PTPRM: variants seen among roughly 807,000 people sequenced by gnomAD.
PTPRM encodes receptor-type tyrosine-protein phosphatase mu.
A neutral mutation model predicts 186.7 loss-of-function variants in PTPRM; 47 were observed. The observed-to-expected ratio is 0.25, with a 90% confidence interval of 0.20 to 0.32. The LOEUF is 0.32. Ranked by LOEUF, PTPRM falls within the 10% of genes least tolerant of loss-of-function variation. The pLI, the probability that PTPRM is intolerant of heterozygous loss-of-function variation, is 1.00. For missense variants in PTPRM, 1,494 were observed against 1,865.0 expected (o/e 0.80, Z 3.66); for synonymous variants, 668 against 674.9 (o/e 0.99, Z 0.16).
At chr18:8,040,428 A>G (rs575982137) in intron 7 of PTPRM, among the ~76,000 whole-genome samples, 105 of 152,284 alleles carry the variant, frequency 6.9e-4, no homozygotes, top group African/African-American at 2.4e-3. Context: ...GTTATGTGTC[A>G]AATCGAAGCT....
chr18:7,793,391 G>C (rs1383761953), intron 2 of PTPRM, among the ~76,000 whole-genome samples: 1 of 152,206 alleles, frequency 6.6e-6, no homozygotes, highest in Non-Finnish European at 1.5e-5. Context: ...GACAATGTCT[G>C]ATGCAGAATC....
At chr18:7,716,874 T>C (rs1430576793) in intron 1 of PTPRM, among the ~76,000 whole-genome samples, 2 of 152,218 alleles carry the variant, frequency 1.3e-5, no homozygotes, top group Admixed American at 6.5e-5. Context: ...TTTTACACTG[T>C]TGATGGAGTG....
At chr18:8,017,271 G>A (rs913653861) in intron 7 of PTPRM, among the ~76,000 whole-genome samples, 1 of 152,074 alleles carries the variant, frequency 6.6e-6, no homozygotes, top group Admixed American at 6.6e-5. Context: ...AGGCGTGGTG[G>A]CTCATGCCTG....
At chr18:7,675,415 A>G (rs1387588002) in intron 1 of PTPRM, among the ~76,000 whole-genome samples, 1 of 152,148 alleles carries the variant, frequency 6.6e-6, no homozygotes, top group Non-Finnish European at 1.5e-5. Context: ...AGCACACCAC[A>G]TGAACACCAG....
At chr18:8,170,922 C>A (rs576481927) in intron 14 of PTPRM, among the ~76,000 whole-genome samples, 23 of 152,346 alleles carry the variant, frequency 1.5e-4, no homozygotes, top group Non-Finnish European at 2.9e-4. Context: ...ATACTTACTT[C>A]TGCCACATAA....
intron 3 of PTPRM, among the ~76,000 whole-genome samples, chr18:7,892,860 C>T (rs925379730): frequency 6.6e-6 from 1 of 152,140 alleles, no homozygotes; most frequent in African/African-American, 2.4e-5. Context: ...AGCAAGAGCT[C>T]TCACGCCTCT....
At chr18:8,045,193 C>G (rs767213219) in intron 7 of PTPRM, among the ~76,000 whole-genome samples, 1 of 152,066 alleles carries the variant, frequency 6.6e-6, no homozygotes, top group Non-Finnish European at 1.5e-5. Flanking sequence ...ATAAAAAATA[C>G]AAAAATTAGC....
chr18:7,938,940 C>A (rs2051997082), intron 5 of PTPRM, among the ~76,000 whole-genome samples: 1 of 152,042 alleles, frequency 6.6e-6, no homozygotes, highest in Non-Finnish European at 1.5e-5. Flanking sequence ...TACAGTACTC[C>A]AAATTGATAA....
chr18:7,781,198 G>C (rs777902283), intron 2 of PTPRM, among the ~76,000 whole-genome samples: 6 of 152,162 alleles, frequency 3.9e-5, no homozygotes, highest in Non-Finnish European at 8.8e-5. Flanking sequence ...AATGACGCCA[G>C]GTAAGAAATA....
intron 1 of PTPRM, among the ~76,000 whole-genome samples, chr18:7,676,812 A>G (rs1384879868): frequency 6.6e-6 from 1 of 152,228 alleles, no homozygotes; most frequent in Admixed American, 6.5e-5. Flanking sequence ...AAAAACTGGA[A>G]CAATATAACA....
At chr18:8,020,116 C>T (rs2085117540) in intron 7 of PTPRM, among the ~76,000 whole-genome samples, 1 of 152,114 alleles carries the variant, frequency 6.6e-6, no homozygotes, top group Non-Finnish European at 1.5e-5. Context: ...ATTAATGCTC[C>T]TTAGCTATTT....
chr18:8,101,472 T>C (rs1200795535), intron 11 of PTPRM, among the ~76,000 whole-genome samples: 1 of 152,226 alleles, frequency 6.6e-6, no homozygotes, highest in Non-Finnish European at 1.5e-5. Context: ...GCCTCAGTTA[T>C]GTTCTTCTTA....
At chr18:7,873,798 T>TA (rs1344226205) in intron 2 of PTPRM, among the ~76,000 whole-genome samples, 1 of 152,320 alleles carries the variant, frequency 6.6e-6, no homozygotes, top group South Asian at 2.1e-4. Flanking sequence ...ATTAATAAAT[T>TA]AAAAAATACT....
intron 5 of PTPRM, among the ~76,000 whole-genome samples, chr18:7,934,389 T>G (rs2051673950): frequency 6.6e-6 from 1 of 152,224 alleles, no homozygotes; most frequent in African/African-American, 2.4e-5. Context: ...GAAAAAAGTA[T>G]GTTTCTCCAG....
chr18:7,786,590 G>A (rs1450274700), intron 2 of PTPRM, among the ~76,000 whole-genome samples: 1 of 152,170 alleles, frequency 6.6e-6, no homozygotes, highest in African/African-American at 2.4e-5. Flanking sequence ...AAATAAATGA[G>A]GTTTCTGGTA....
rs77802989 is a variant in PTPRM at position 7,601,019 on chromosome 18, C to T, written c.73+33128C>T. On this transcript the variant is annotated intron_variant, in intron 1 of 32. Transcript: ENST00000580170. The stretch of plus-strand genomic sequence containing the variant: ...CAAAGGCTGACCTCCCCTGTGTGAC[C>T]GAGCCCCGGAGCCCCTCTGTTGGTT... Among the ~76,000 whole-genome samples, 713 of 152,256 alleles carry T rather than the reference C, an allele frequency of 4.7e-3. 12 individuals carry two copies. In the East Asian group the frequency reaches 0.069, roughly 15 times the overall value.
chr18:7,647,276 G>A (rs2038588277), intron 1 of PTPRM, among the ~76,000 whole-genome samples: 1 of 152,068 alleles, frequency 6.6e-6, no homozygotes, highest in Non-Finnish European at 1.5e-5. Flanking sequence ...AATCTCACAA[G>A]GGCAAATTCA....
At chr18:8,308,213 A>C (rs2147982498) in intron 20 of PTPRM, among the ~76,000 whole-genome samples, 1 of 152,324 alleles carries the variant, frequency 6.6e-6, no homozygotes, top group East Asian at 1.9e-4. Context: ...CCACACCTAC[A>C]AGTGTGAGTG....
chr18:7,888,317 A>T lies in PTPRM; in HGVS notation c.408A>T (p.Pro136=). Residue 136 remains proline (P), a synonymous_variant, in exon 3 of 33, where the codon CCA becomes CCT. Coordinates refer to ENST00000580170, the MANE Select transcript of PTPRM (RefSeq NM_001105244.2). Reference sequence around the variant, plus strand: ...CTATCTGGAATATATCTGGAGACCCAACACGTACATGGAACAGGGCAGAAC... The same window carrying T: ...CTATCTGGAATATATCTGGAGACCCTACACGTACATGGAACAGGGCAGAAC... ...GNPIWNISGD[P]TRTWNRAELA... is the part of the protein sequence containing the mutation. 1 of 1,614,220 alleles carries T rather than the reference A, an allele frequency of 6.2e-7. No homozygotes were observed.
Sources: allele counts gnomAD v4.1 joint callset (sites outside exome capture counted in the v4.1 genomes callset), GRCh38; gene constraint gnomAD v4.1.1; transcripts MANE v1.5; gene names NCBI Gene and HGNC (gene_info 2026-07-23, HGNC 2026-07-21).